CSNK2A2IP: variants seen among roughly 807,000 people sequenced by gnomAD.
The protein encoded by CSNK2A2IP is casein kinase 2 subunit alpha' interacting protein.
the CSNK2A2IP span, among the ~76,000 whole-genome samples, chr3:88,440,253 C>T: frequency 1.3e-5 from 2 of 152,084 alleles, no homozygotes; most frequent in African/African-American, 2.4e-5. Flanking sequence ...TGGCAAAGAA[C>T]TTTGCTAGAA....
the CSNK2A2IP span, among the ~76,000 whole-genome samples, chr3:88,370,602 C>CTT: frequency 9.6e-6 from 1 of 104,240 alleles, no homozygotes; most frequent in Non-Finnish European, 2.3e-5. Context: ...CTTTCTTTCT[C>CTT]TCTCTCTCTC....
At chr3:88,445,275 C>CAAAA in the CSNK2A2IP span, among the ~76,000 whole-genome samples, 5,289 of 47,578 alleles carry the variant, frequency 0.11, 522 homozygotes, top group Non-Finnish European at 0.14. Flanking sequence ...GTAAAAATAC[C>CAAAA]AAAAAAAAAA....
chr3:88,362,910 G>A, the CSNK2A2IP span, among the ~76,000 whole-genome samples: 2 of 152,156 alleles, frequency 1.3e-5, no homozygotes, highest in Non-Finnish European at 2.9e-5. Flanking sequence ...CTGGAGTTGG[G>A]GGAGAAGTGA....
chr3:88,391,709 A>G, the CSNK2A2IP span, among the ~76,000 whole-genome samples: 39 of 152,324 alleles, frequency 2.6e-4, no homozygotes, highest in East Asian at 2.9e-3. Flanking sequence ...AAACTAATAA[A>G]CTCATCATCT....
the CSNK2A2IP span, among the ~76,000 whole-genome samples, chr3:88,351,859 C>T: frequency 6.6e-6 from 1 of 152,030 alleles, no homozygotes; most frequent in Non-Finnish European, 1.5e-5. Flanking sequence ...TCAAAGGAAA[C>T]ATTCTTTTAA....
the CSNK2A2IP span, among the ~76,000 whole-genome samples, chr3:88,394,106 C>A: frequency 1.3e-5 from 2 of 152,046 alleles, no homozygotes; most frequent in African/African-American, 4.8e-5. Flanking sequence ...GTGTAGAGAG[C>A]ATTCAGTAAA....
chr3:88,389,708 G>A, the CSNK2A2IP span, among the ~76,000 whole-genome samples: 52 of 152,216 alleles, frequency 3.4e-4, no homozygotes, highest in African/African-American at 1.1e-3. Flanking sequence ...GGGCAAAGAT[G>A]GTAAGGAGAG....
chr3:88,396,651 G>A, the CSNK2A2IP span, among the ~76,000 whole-genome samples: 1 of 152,222 alleles, frequency 6.6e-6, no homozygotes, highest in Non-Finnish European at 1.5e-5. Flanking sequence ...GCGAGGAGAA[G>A]CGCAATGTTA....
At chr3:88,361,120 A>G in the CSNK2A2IP span, among the ~76,000 whole-genome samples, 1 of 152,186 alleles carries the variant, frequency 6.6e-6, no homozygotes, top group Non-Finnish European at 1.5e-5. Flanking sequence ...TAGTTTTCAT[A>G]CTAAATTTAT....
the CSNK2A2IP span, among the ~76,000 whole-genome samples, chr3:88,443,106 G>T: frequency 6.6e-6 from 1 of 152,074 alleles, no homozygotes; most frequent in Non-Finnish European, 1.5e-5. Flanking sequence ...TAACACAGAT[G>T]TATGAGCTTT....
the CSNK2A2IP span, among the ~76,000 whole-genome samples, chr3:88,339,896 C>T: frequency 6.6e-6 from 1 of 151,884 alleles, no homozygotes; most frequent in Admixed American, 6.6e-5. Context: ...TTTTTGTTTT[C>T]TTTTCATTGT....
At chr3:88,346,283 A>G in the CSNK2A2IP span, among the ~76,000 whole-genome samples, 1 of 152,066 alleles carries the variant, frequency 6.6e-6, no homozygotes, top group Non-Finnish European at 1.5e-5. Flanking sequence ...GAGAAGCTGC[A>G]GCAAGTTTTC....
chr3:88,416,624 C>T, the CSNK2A2IP span, among the ~76,000 whole-genome samples: 5 of 152,310 alleles, frequency 3.3e-5, no homozygotes, highest in East Asian at 3.9e-4. Flanking sequence ...TACCATACCA[C>T]GGAATCATAG....
the CSNK2A2IP span, among the ~76,000 whole-genome samples, chr3:88,458,580 G>A: frequency 2.9e-3 from 434 of 151,718 alleles, 2 homozygotes; most frequent in African/African-American, 9.8e-3. Flanking sequence ...AATCTCTACT[G>A]TTTTCTTTCT....
the CSNK2A2IP span, among the ~76,000 whole-genome samples, chr3:88,350,340 C>T: frequency 6.6e-6 from 1 of 151,994 alleles, no homozygotes; most frequent in Non-Finnish European, 1.5e-5. Context: ...GTTTTAACCC[C>T]TCATGAAGAC....
chr3:88,359,126 A>G, the CSNK2A2IP span, among the ~76,000 whole-genome samples: 1 of 151,634 alleles, frequency 6.6e-6, no homozygotes, highest in Middle Eastern at 3.4e-3. Flanking sequence ...TATTTTTCAT[A>G]TCTAGAAGTT....
chr3:88,388,358 A>G, the CSNK2A2IP span, among the ~76,000 whole-genome samples: 4 of 152,358 alleles, frequency 2.6e-5, no homozygotes, highest in East Asian at 3.9e-4. Context: ...AGCAAAGTAC[A>G]TATTTCCAGT....
At chr3:88,379,047 G>T in the CSNK2A2IP span, among the ~76,000 whole-genome samples, 2 of 151,780 alleles carry the variant, frequency 1.3e-5, no homozygotes, top group African/African-American at 2.4e-5. Context: ...TTTATGTTTT[G>T]CTTGGCATTG....
the CSNK2A2IP span, among the ~76,000 whole-genome samples, chr3:88,439,183 C>G: frequency 6.6e-6 from 1 of 152,136 alleles, no homozygotes; most frequent in African/African-American, 2.4e-5. Context: ...ATTGACTTTC[C>G]AGCCACTGCC....
Sources: allele counts gnomAD v4.1 joint callset (sites outside exome capture counted in the v4.1 genomes callset), GRCh38; gene constraint gnomAD v4.1.1; transcripts MANE v1.5; gene names NCBI Gene and HGNC (gene_info 2026-07-23, HGNC 2026-07-21).